The following RPL15 variants were observed in gnomAD, a reference collection of about 807,000 sequenced individuals.
The protein encoded by RPL15 is large ribosomal subunit protein eL15.
For synonymous variants in RPL15, 97 were observed against 95.1 expected (o/e 1.02, Z -0.12); for missense variants, 161 against 271.8 (o/e 0.59, Z 2.87).
At chr3:23,916,897 G>GT (rs1704589459), upstream of RPL15, 2 of 152,744 alleles carry the variant, frequency 1.3e-5, no homozygotes. Flanking sequence ...GCCGACGCTC[G>GT]CTTAGCCGCC....
At chr3:23,923,132 C>G (rs542637042), downstream of RPL15, 1 of 152,094 alleles carries the variant, frequency 6.6e-6, no homozygotes, top group East Asian at 1.9e-4. Context: ...TTTTCTTCCC[C>G]AAGTGGTAGG....
At chr3:23,922,061 A>C, downstream of RPL15, 1 of 155,998 alleles carries the variant, frequency 6.4e-6, no homozygotes. The surrounding 1 kb of genome is among the most constrained non-coding windows in gnomAD (Gnocchi z 4.2). Flanking sequence ...CACGCCTGCA[A>C]TCCCAACACT....
chr3:23,917,018 AC>A (rs1704614233), upstream of RPL15: 1 of 152,530 alleles, frequency 6.6e-6, no homozygotes, highest in African/African-American at 2.4e-5. Flanking sequence ...ACTCGGCAGA[AC>A]TCCGCCACCA....
intron 2 of RPL15, 78 bp from the exon 3 acceptor site, chr3:23,918,355 TGGTGGAG>T: frequency 6.9e-7 from 1 of 1,439,518 alleles, no homozygotes; most frequent in Admixed American, 2.5e-5. Flanking sequence ...GAAGTATTTT[TGGTGGAG>T]TATTAGTGAC....
chr3:23,922,750 C>T (rs1052537515), downstream of RPL15: 1 of 152,192 alleles, frequency 6.6e-6, no homozygotes, highest in Non-Finnish European at 1.5e-5. This position sits in a 1 kb window ranked among gnomAD's most constrained non-coding sequence, Gnocchi z 4.2. Flanking sequence ...ATAGGCTCTA[C>T]AGTACAAACC....
In RPL15 at chr3:23,920,104, T is replaced by C. The variant is rs371102571; in HGVS notation, c.*603T>C. On this transcript the variant is annotated 3_prime_UTR_variant, in exon 4 of 4. Coordinates refer to ENST00000307839, the MANE Select transcript of RPL15 (RefSeq NM_002948.5). ...TGAAGTTGAATGTGCGATAAAATTA[T>C]TAGCCTTAAGATTGGTAAGCTAGCA... is the stretch of plus-strand genomic sequence containing the variant. The C allele has an allele frequency of 2.0e-6, 2 of 985,928 alleles. No individual in the cohort carries two copies. Among genetic ancestry groups the C allele is most frequent in the African/African-American group, 3.5e-5 (2 of 57,370 alleles). The allele number at this position is 985,928 out of a possible 1,614,324, so 61.1% of individuals were successfully genotyped here. A position where few individuals can be genotyped will look rare whatever the true frequency, so the allele number is the denominator to read the frequency against.
In RPL15 at chr3:23,919,450, C is replaced by G. The variant is rs1704946013; in HGVS notation, c.564C>G (p.Arg188=). 6.2e-7 allele frequency: 1 copy of G among 1,603,984 alleles called. No homozygotes were observed. The highest frequency in any genetic ancestry group is 1.3e-5 in the African/African-American group (1 of 74,858). The part of the protein sequence containing the change: ...HKFHHTIGGS[R]RAAWRRRNTL... The stretch of plus-strand genomic sequence containing the variant: ...TCCACCACACTATTGGTGGCTCTCG[C>G]CGGGCAGCTTGGAGAAGGCGCAATA... The change falls in exon 4 of 4, where the codon CGC becomes CGG. Residue 188 remains arginine (R), a synonymous_variant. Transcript: ENST00000307839.
chr3:23,917,572 C>T (rs573703271), intron 1 of RPL15: 3 of 319,354 alleles, frequency 9.4e-6, no homozygotes, highest in Non-Finnish European at 1.7e-5. Flanking sequence ...ACGCCGCCTG[C>T]CGCAGCCACC....
At chr3:23,922,851 C>G (rs142064205), downstream of RPL15, 268 of 152,312 alleles carry the variant, frequency 1.8e-3, 2 homozygotes, top group African/African-American at 6.3e-3. This position sits in a 1 kb window ranked among gnomAD's most constrained non-coding sequence, Gnocchi z 4.2. Flanking sequence ...GTTGCCCAGG[C>G]TGGAGTGTAG....
Position 23,920,456 on chromosome 3 carries a change from A to T in RPL15, c.*955A>T. ...CAACCCTAAAAATCCTTACCATTCC[A>T]CAAAGTTGGACCATCACTTGTGCAC... On this transcript the variant is annotated 3_prime_UTR_variant, in exon 4 of 4. Transcript: ENST00000307839. 1.0e-6 allele frequency: 1 copy of T among 985,346 alleles called. No individual in the cohort carries two copies. 61.0% of individuals were successfully genotyped at this position (985,346 alleles called of 1,614,324 possible).
chr3:23,918,262 C>T lies in RPL15; in HGVS notation c.173-178C>T. The T allele has an allele frequency of 3.3e-6, 3 of 905,318 alleles. 1 individual carries two copies. The highest frequency in any genetic ancestry group is 3.6e-5 in the South Asian group (2 of 55,794). 56.1% of individuals were successfully genotyped at this position (905,318 alleles called of 1,614,324 possible). ...CTAAAGCAAAATAAACAGTGTGCCT[C>T]CCTGTGTGAGTAGCCTAAGGTGCAT... On this transcript the variant is annotated intron_variant, in intron 2 of 3. Transcript: ENST00000307839.
At position 23,919,804 on chromosome 3, in the gene RPL15, C is replaced by T; in HGVS notation, c.*303C>T. 9 of 1,071,248 alleles carry T rather than the reference C, an allele frequency of 8.4e-6. No homozygotes were observed. The highest frequency in any genetic ancestry group is 1.0e-5 in the Non-Finnish European group (9 of 885,384). The allele number at this position is 1,071,248 out of a possible 1,614,324, so 66.4% of individuals were successfully genotyped here. ...TAAAAGGAGAGAACTGAAACTAGCC[C>T]TGTAGATTTGTCTGGTGCATGTGAT... On this transcript the variant is annotated 3_prime_UTR_variant, in exon 4 of 4. Coordinates refer to ENST00000307839, the MANE Select transcript of RPL15 (RefSeq NM_002948.5).
rs1705015343 is a variant in RPL15 at position 23,920,472 on chromosome 3, A to C, written c.*971A>C. Reference sequence around the variant, plus strand: ...TACCATTCCACAAAGTTGGACCATCACTTGTGCACCCACTTTGACTATGAG... The same window carrying C: ...TACCATTCCACAAAGTTGGACCATCCCTTGTGCACCCACTTTGACTATGAG... On this transcript the variant is annotated 3_prime_UTR_variant, in exon 4 of 4. Transcript: ENST00000307839. 1 of 985,194 alleles carries C rather than the reference A, an allele frequency of 1.0e-6. No homozygotes were observed. The highest frequency in any genetic ancestry group is 6.2e-5 in the Admixed American group (1 of 16,258). The allele number at this position is 985,194 out of a possible 1,614,324, so 61.0% of individuals were successfully genotyped here. A position where few individuals can be genotyped will look rare whatever the true frequency, so the allele number is the denominator to read the frequency against.
chr3:23,919,152 A>T (rs1222605520), intron 3 of RPL15, 44 bp from the exon 4 acceptor site: 2 of 1,347,872 alleles, frequency 1.5e-6, no homozygotes, highest in Admixed American at 1.7e-5. Flanking sequence ...TTGCTGCTAT[A>T]GGCAATGTGG....
At chr3:23,918,185 G>A (rs1559511289) in intron 2 of RPL15, 154 bp downstream of exon 2, 3 of 1,031,834 alleles carry the variant, frequency 2.9e-6, no homozygotes, top group Non-Finnish European at 4.2e-6. Flanking sequence ...TGTATGCACT[G>A]TTGTCTAAAG....
At chr3:23,917,769 T>G in intron 1 of RPL15, 81 bp from the exon 2 acceptor site, 1 of 1,378,504 alleles carries the variant, frequency 7.3e-7, no homozygotes, top group Non-Finnish European at 9.9e-7. Flanking sequence ...CTTGTTTTTG[T>G]TGGGGAACTA....
In RPL15 at chr3:23,920,939, A is replaced by G. The variant is rs1705045882; in HGVS notation, c.*1438A>G. On this transcript the variant is annotated 3_prime_UTR_variant, in exon 4 of 4. Transcript: ENST00000307839. ...ACCAGCAAAAAGGCATCAAAATGTG[A>G]TTATAGAAATAATATAATTTGAGAT... The G allele has an allele frequency of 5.7e-6, 1 of 176,384 alleles. No individual in the cohort carries two copies. Among genetic ancestry groups the G allele is most frequent in the African/African-American group, 2.4e-5 (1 of 41,888 alleles). 10.9% of individuals were successfully genotyped at this position (176,384 alleles called of 1,614,324 possible). A position where few individuals can be genotyped will look rare whatever the true frequency, so the allele number is the denominator to read the frequency against.
intron 3 of RPL15, chr3:23,918,830 G>A (rs746326389): frequency 2.4e-5 from 13 of 533,776 alleles, no homozygotes; most frequent in African/African-American, 5.7e-5. Flanking sequence ...ACCAAATGTG[G>A]CCTGCACAGC....
chr3:23,918,213 G>C, intron 2 of RPL15, 182 bp downstream of exon 2: 1 of 950,812 alleles, frequency 1.1e-6, no homozygotes, highest in Non-Finnish European at 1.6e-6. Context: ...TGTGTCAAAG[G>C]TTACAAATCT....
Sources: allele counts gnomAD v4.1 joint callset, GRCh38; gene constraint gnomAD v4.1.1; non-coding constraint Gnocchi (gnomAD v3.1); transcripts MANE v1.5; gene names NCBI Gene and HGNC (gene_info 2026-07-23, HGNC 2026-07-21).